The following MAGI2 variants were observed in gnomAD, a reference collection of about 807,000 sequenced individuals.
MAGI2 encodes the protein membrane associated guanylate kinase, WW and PDZ domain containing 2, also known as membrane-associated guanylate kinase, WW and PDZ domain-containing protein 2.
A neutral mutation model predicts 133.3 loss-of-function variants in MAGI2; 35 were observed. That is an observed-to-expected ratio of 0.26 (90% CI 0.20 to 0.35). MAGI2 has a LOEUF of 0.35. Among genes scored for constraint, MAGI2 ranks in the 10% least tolerant of loss-of-function variants. The probability of loss-of-function intolerance (pLI) is 1.00; values close to 1 mark genes in which losing one functional copy is unlikely to be tolerated. For missense variants in MAGI2, 1,636 were observed against 1,863.4 expected (o/e 0.88, Z 2.25); for synonymous variants, 729 against 710.6 (o/e 1.03, Z -0.41).
chr7:78,078,788 A>ATGTGTG (rs67657112), intron 21 of MAGI2, 159 bp downstream of exon 21: 596 of 624,748 alleles, frequency 9.5e-4, no homozygotes, highest in South Asian at 2.1e-3. Context: ...GTGTGTGTGT[A>ATGTGTG]TGTGTGTGTG....
intron 1 of MAGI2, among the ~76,000 whole-genome samples, chr7:79,432,769 G>A (rs1172515120): frequency 1.3e-5 from 2 of 152,230 alleles, no homozygotes; most frequent in African/African-American, 4.8e-5. Flanking sequence ...GCAATAGGCA[G>A]AGTGAGGTGT....
At chr7:78,271,268 G>T (rs1794547266) in intron 9 of MAGI2, among the ~76,000 whole-genome samples, 1 of 149,558 alleles carries the variant, frequency 6.7e-6, no homozygotes, top group Non-Finnish European at 1.5e-5. Context: ...GATGCATTAT[G>T]TTGATTGAAC....
intron 21 of MAGI2, among the ~76,000 whole-genome samples, chr7:78,077,341 G>A (rs1047096863): frequency 1.3e-5 from 2 of 151,934 alleles, no homozygotes; most frequent in South Asian, 2.1e-4. Flanking sequence ...CAAGAGTTCA[G>A]ATTCTTTACA....
Position 78,536,745 on chromosome 7 carries a change from TTG to T in MAGI2, c.539-15102_539-15101del, listed in dbSNP as rs1255940219. On this transcript the variant is annotated intron_variant, in intron 3 of 21. Transcript: ENST00000354212. ...TTAAAAAATTTCAATAGTTTTTTTTTTGTTTTTGTTGTTGTTTTTTTTTTTTT... is the reference window on the plus strand; with the variant it reads ...TTAAAAAATTTCAATAGTTTTTTTTTTTTTTGTTGTTGTTTTTTTTTTTTT... Among the ~76,000 whole-genome samples the T allele has an allele frequency of 3.1e-3, 422 of 133,972 alleles. 2 individuals carry two copies. The highest frequency in any genetic ancestry group is 7.9e-3 in the Middle Eastern group (2 of 254). The allele number at this position is 133,972 out of a possible 152,430, so 87.9% of individuals were successfully genotyped here.
chr7:78,129,971 C>T (rs1009946754), intron 18 of MAGI2, among the ~76,000 whole-genome samples: 6 of 150,732 alleles, frequency 4.0e-5, no homozygotes, highest in African/African-American at 1.5e-4. Context: ...GAATCACTTC[C>T]AGTCCTGAGC....
chr7:78,595,648 G>C (rs781085218), intron 3 of MAGI2, among the ~76,000 whole-genome samples: 1 of 152,174 alleles, frequency 6.6e-6, no homozygotes, highest in Non-Finnish European at 1.5e-5. Flanking sequence ...AGCATAATGA[G>C]AATTAGTTCA....
intron 1 of MAGI2, among the ~76,000 whole-genome samples, chr7:79,405,187 T>C (rs1286821532): frequency 6.6e-6 from 1 of 152,160 alleles, no homozygotes; most frequent in Non-Finnish European, 1.5e-5. Flanking sequence ...TTTTGCAGCT[T>C]GTTAGTTTGA....
chr7:78,972,440 G>A (rs1339289976), intron 2 of MAGI2, among the ~76,000 whole-genome samples: 1 of 151,602 alleles, frequency 6.6e-6, no homozygotes, highest in African/African-American at 2.4e-5. Context: ...AAAATTGATG[G>A]CACTTTCTGG....
At chr7:78,239,096 T>C (rs1790862413) in intron 10 of MAGI2, among the ~76,000 whole-genome samples, 1 of 152,168 alleles carries the variant, frequency 6.6e-6, no homozygotes, top group East Asian at 1.9e-4. Flanking sequence ...TCTACACAGA[T>C]GTCTTTCCCT....
chr7:78,312,319 G>A (rs987242134), intron 9 of MAGI2, among the ~76,000 whole-genome samples: 1 of 151,980 alleles, frequency 6.6e-6, no homozygotes, highest in East Asian at 1.9e-4. Context: ...TTTTAAGAAT[G>A]AACATCAAAC....
At chr7:78,560,669 T>C (rs1040224987) in intron 3 of MAGI2, among the ~76,000 whole-genome samples, 2 of 152,168 alleles carry the variant, frequency 1.3e-5, no homozygotes, top group African/African-American at 4.8e-5. Context: ...CTAGAAATTA[T>C]TTGTGGGCTT....
chr7:79,422,905 T>C (rs1847077769), intron 1 of MAGI2, among the ~76,000 whole-genome samples: 2 of 152,038 alleles, frequency 1.3e-5, no homozygotes, highest in Admixed American at 6.6e-5. Context: ...AATGATTTTC[T>C]CTCATACCAG....
chr7:78,364,061 C>T (rs1477918304), intron 7 of MAGI2, among the ~76,000 whole-genome samples: 1 of 152,058 alleles, frequency 6.6e-6, no homozygotes, highest in Admixed American at 6.5e-5. Flanking sequence ...CTATAATCTG[C>T]CTACTCAAGA....
At chr7:78,717,931 G>T (rs1819877109) in intron 2 of MAGI2, among the ~76,000 whole-genome samples, 1 of 152,150 alleles carries the variant, frequency 6.6e-6, no homozygotes, top group South Asian at 2.1e-4. Context: ...TTCAATTACT[G>T]ACTTCGTTTT....
chr7:78,541,611 G>A (rs1356997834), intron 3 of MAGI2, among the ~76,000 whole-genome samples: 6 of 152,162 alleles, frequency 3.9e-5, no homozygotes, highest in African/African-American at 1.2e-4. Context: ...AGGCCCCAGA[G>A]CAACAGCAGC....
chr7:78,839,211 T>C (rs1433677175), intron 2 of MAGI2, among the ~76,000 whole-genome samples: 9 of 152,184 alleles, frequency 5.9e-5, no homozygotes, highest in Middle Eastern at 6.8e-3. Context: ...CTGATACCCA[T>C]GATTTCTCTA....
chr7:79,063,396 A>G (rs931955024), intron 1 of MAGI2, among the ~76,000 whole-genome samples: 11 of 152,134 alleles, frequency 7.2e-5, no homozygotes, highest in African/African-American at 2.7e-4. Flanking sequence ...TTTTTATGTC[A>G]AAAGGATTAC....
intron 2 of MAGI2, among the ~76,000 whole-genome samples, chr7:78,809,936 CT>C (rs1051189763): frequency 6.6e-6 from 1 of 152,068 alleles, no homozygotes; most frequent in African/African-American, 2.4e-5. Flanking sequence ...TTCCTAAATC[CT>C]TTTAATTACT....
chr7:78,496,482 C>T (rs1016012533), intron 5 of MAGI2, among the ~76,000 whole-genome samples: 1 of 152,206 alleles, frequency 6.6e-6, no homozygotes, highest in Non-Finnish European at 1.5e-5. Context: ...TCCAGATTAA[C>T]CCTGTGGCAG....
Sources: gnomAD v4.1 joint callset for allele counts (sites outside exome capture counted in the v4.1 genomes callset) on GRCh38, gnomAD v4.1.1 for gene constraint, MANE v1.5 for transcripts, NCBI Gene and HGNC (gene_info 2026-07-23, HGNC 2026-07-21) for gene names.